Variants in AGBL4 observed in about 807,000 individuals in gnomAD.
AGBL4 encodes AGBL carboxypeptidase 4.
AGBL4 carries 58 observed loss-of-function variants against 66.4 expected under a neutral mutation model. That is an observed-to-expected ratio of 0.87 (90% confidence interval 0.71 to 1.09). AGBL4 has a LOEUF of 1.09. Ranked by LOEUF, AGBL4 falls within the 50% of genes least tolerant of loss-of-function variation. The pLI is 0.00. For synonymous variants in AGBL4, 234 were observed against 222.9 expected, an observed-to-expected ratio of 1.05 and a Z score of -0.44; for missense variants, 579 against 631.0, an observed-to-expected ratio of 0.92 and a Z score of 0.88.
chr1:49,904,761 G>A (rs187150182), intron 1 of AGBL4, among the ~76,000 whole-genome samples: 12 of 152,278 alleles, frequency 7.9e-5, no homozygotes, highest in Admixed American at 6.5e-4. Flanking sequence ...AGCCTACTTT[G>A]TACTGTGAAA....
intron 2 of AGBL4, among the ~76,000 whole-genome samples, chr1:49,812,782 T>C (rs1426233104): frequency 6.6e-6 from 1 of 152,188 alleles, no homozygotes; most frequent in Non-Finnish European, 1.5e-5. Flanking sequence ...TGCAAACATT[T>C]ACTGCAGAAC....
At position 49,744,042 on chromosome 1, in the gene AGBL4, C is replaced by G. The variant is rs980017626; in HGVS notation, c.158-46605G>C. ...CACGTTGTGCACATGTACCCTAAAA[C>G]TTAAAGTATAATAAAAAAAAAAGAT... is the stretch of plus-strand genomic sequence containing the variant. On this transcript the variant is annotated intron_variant, in intron 2 of 13. Transcript: ENST00000371839. Among the ~76,000 whole-genome samples the G allele has an allele frequency of 4.6e-5, 7 of 151,244 alleles. 1 individual carries two copies. Among genetic ancestry groups the G allele is most frequent in the Admixed American group, 3.3e-4 (5 of 14,932 alleles).
intron 11 of AGBL4, among the ~76,000 whole-genome samples, chr1:48,546,262 A>G (rs1281981394): frequency 6.6e-6 from 1 of 152,250 alleles, no homozygotes; most frequent in Non-Finnish European, 1.5e-5. Flanking sequence ...CTTGAATGTA[A>G]CAAAGGTAGC....
At chr1:49,727,240 A>G (rs931633669) in intron 2 of AGBL4, among the ~76,000 whole-genome samples, 1 of 152,146 alleles carries the variant, frequency 6.6e-6, no homozygotes, top group Non-Finnish European at 1.5e-5. Context: ...AATTTTTAGA[A>G]ATGTCAAGTT....
chr1:50,011,659 A>C (rs1661542883), intron 1 of AGBL4, among the ~76,000 whole-genome samples: 1 of 152,230 alleles, frequency 6.6e-6, no homozygotes, highest in African/African-American at 2.4e-5. Context: ...TGAATGGATA[A>C]AGAAAATGTG....
intron 3 of AGBL4, among the ~76,000 whole-genome samples, chr1:49,265,856 T>C (rs1276941490): frequency 1.3e-5 from 2 of 152,144 alleles, no homozygotes; most frequent in African/African-American, 4.8e-5. Flanking sequence ...TATGTATACA[T>C]ATATGTGCAT....
intron 3 of AGBL4, among the ~76,000 whole-genome samples, chr1:49,456,991 C>T (rs1646404361): frequency 6.6e-6 from 1 of 151,664 alleles, no homozygotes; most frequent in South Asian, 2.1e-4. Context: ...AGCATTTGGG[C>T]TGGTTCCATA....
chr1:49,530,526 G>C (rs1651053266), intron 3 of AGBL4, among the ~76,000 whole-genome samples: 1 of 151,864 alleles, frequency 6.6e-6, no homozygotes, highest in African/African-American at 2.4e-5. Context: ...CTGACTTCCA[G>C]TTCAGTTTTC....
At chr1:49,120,892 C>G (rs948954218) in intron 4 of AGBL4, among the ~76,000 whole-genome samples, 1 of 152,088 alleles carries the variant, frequency 6.6e-6, no homozygotes, top group Non-Finnish European at 1.5e-5. Context: ...TTCTTGGAGG[C>G]TTTGTTAATT....
chr1:48,974,318 T>C (rs1205590556), intron 5 of AGBL4, among the ~76,000 whole-genome samples: 1 of 152,104 alleles, frequency 6.6e-6, no homozygotes, highest in East Asian at 1.9e-4. Flanking sequence ...TGAGCTGAGC[T>C]TTTTGTGAGG....
At chr1:49,554,223 T>C (rs1558045544) in intron 3 of AGBL4, among the ~76,000 whole-genome samples, 1 of 152,152 alleles carries the variant, frequency 6.6e-6, no homozygotes, top group Non-Finnish European at 1.5e-5. Flanking sequence ...CCATGGTCTT[T>C]CTAATTCATC....
At chr1:48,976,412 TG>T (rs1659341505) in intron 5 of AGBL4, among the ~76,000 whole-genome samples, 1 of 152,168 alleles carries the variant, frequency 6.6e-6, no homozygotes, top group African/African-American at 2.4e-5. Flanking sequence ...AGTCACTTGG[TG>T]GCAGAATGAT....
chr1:49,109,403 C>T (rs1263470872), intron 4 of AGBL4, among the ~76,000 whole-genome samples: 1 of 152,120 alleles, frequency 6.6e-6, no homozygotes, highest in Non-Finnish European at 1.5e-5. Context: ...TCTCAAAATC[C>T]CTCTGGCATC....
At chr1:49,965,548 T>C (rs1657482499) in intron 1 of AGBL4, among the ~76,000 whole-genome samples, 2 of 152,194 alleles carry the variant, frequency 1.3e-5, no homozygotes, top group African/African-American at 4.8e-5. Context: ...ACAAAACCCA[T>C]ATAACCAAAA....
chr1:49,787,572 A>G (rs541360311), intron 2 of AGBL4, among the ~76,000 whole-genome samples: 1 of 152,070 alleles, frequency 6.6e-6, no homozygotes, highest in African/African-American at 2.4e-5. Context: ...TTGTAGGTTG[A>G]GTACTATGTC....
intron 8 of AGBL4, among the ~76,000 whole-genome samples, chr1:48,646,110 G>A (rs1171973550): frequency 6.6e-6 from 1 of 152,178 alleles, no homozygotes; most frequent in East Asian, 1.9e-4. Context: ...ACAGTCAGAG[G>A]TGGCATCAGC....
intron 6 of AGBL4, among the ~76,000 whole-genome samples, chr1:48,862,266 G>A (rs539248190): frequency 4.3e-4 from 66 of 152,228 alleles, no homozygotes; most frequent in Admixed American, 6.5e-4. Context: ...CCTCCCCTGC[G>A]TGCCATTCTC....
chr1:49,245,726 A>G (rs1328532748), intron 4 of AGBL4, 44 bp downstream of exon 4: 1 of 1,462,656 alleles, frequency 6.8e-7, no homozygotes, highest in Admixed American at 2.0e-5. Flanking sequence ...GGTCTGGGAC[A>G]AATTTTCTAA....
intron 5 of AGBL4, among the ~76,000 whole-genome samples, chr1:48,976,741 T>C (rs1244707642): frequency 6.6e-6 from 1 of 152,090 alleles, no homozygotes; most frequent in Non-Finnish European, 1.5e-5. Context: ...TCTCTCTGCC[T>C]GGAATGCTCT....
Sources: gnomAD v4.1 joint callset for allele counts (sites outside exome capture counted in the v4.1 genomes callset) on GRCh38, gnomAD v4.1.1 for gene constraint, MANE v1.5 for transcripts, NCBI Gene and HGNC (gene_info 2026-07-23, HGNC 2026-07-21) for gene names.